The following STS variants were observed in gnomAD, a reference collection of about 807,000 sequenced individuals.
STS encodes the protein steryl-sulfatase.
Under a neutral mutation model 26.8 loss-of-function variants are expected in STS, and 7 were observed. The observed-to-expected ratio is 0.26, with a 90% CI of 0.15 to 0.49. The LOEUF (loss-of-function observed/expected upper bound fraction) is 0.49. Ranked by LOEUF, STS falls within the 20% of genes least tolerant of loss-of-function variation. The probability of loss-of-function intolerance (pLI) is 0.98; values close to 1 mark genes in which losing one functional copy is unlikely to be tolerated. For missense variants in STS, 434 were observed against 465.6 expected, an observed-to-expected ratio of 0.93 and a Z score of 0.63; for synonymous variants, 199 against 189.4, an observed-to-expected ratio of 1.05 and a Z score of -0.42.
At chrX:7,258,915 A>C (rs1923580214) in intron 5 of STS, among the ~76,000 whole-genome samples, 1 of 110,679 alleles carries the variant, frequency 9.0e-6, no homozygotes, top group Admixed American at 9.6e-5. Flanking sequence ...AAGAAAAAAA[A>C]AAAAACAAAC....
At position 7,353,262 on chromosome X, in the gene STS, T is replaced by G. The variant is rs1265839380; in HGVS notation, c.*3001T>G. ...AGACATAAAATAGCTCCGACCTCCATGATCCGAGAGTGGGAAAAGGCCCGA... is the reference window on the plus strand; with the variant it reads ...AGACATAAAATAGCTCCGACCTCCAGGATCCGAGAGTGGGAAAAGGCCCGA... On this transcript the variant is annotated 3_prime_UTR_variant, in exon 11 of 11. Coordinates refer to ENST00000674429, the MANE Select transcript of STS (RefSeq NM_001320752.2). 9.1e-6 allele frequency: 1 copy of G among 110,400 alleles called. No individual in the cohort carries two copies. The highest frequency in any genetic ancestry group is 1.9e-5 in the Non-Finnish European group (1 of 52,953). 9.1% of individuals were successfully genotyped at this position (110,400 alleles called of 1,213,427 possible). A position where few individuals can be genotyped will look rare whatever the true frequency, so the allele number is the denominator to read the frequency against.
At position 7,319,986 on chromosome X, in the gene STS, ATT is replaced by A. The variant is rs1323397677; in HGVS notation, c.1082-5351_1082-5350del. Reference sequence around the variant, plus strand: ...ATATATTTTATATATATGTATATATATTTATATATATATTTTTATATATATAT... The same window carrying A: ...ATATATTTTATATATATGTATATATATATATATATATTTTTATATATATAT... On this transcript the variant is annotated intron_variant, in intron 8 of 10. Transcript: ENST00000674429. Among the ~76,000 whole-genome samples, 432 of 90,271 alleles carry A rather than the reference ATT, an allele frequency of 4.8e-3. 6 individuals carry two copies. The highest frequency in any genetic ancestry group is 0.019 in the African/African-American group (429 of 22,188). The allele number at this position is 90,271 out of a possible 115,157, so 78.4% of individuals were successfully genotyped here. A position where few individuals can be genotyped will look rare whatever the true frequency, so the allele number is the denominator to read the frequency against.
chrX:7,232,271 A>G (rs972282978), intron 2 of STS, among the ~76,000 whole-genome samples: 3 of 112,505 alleles, frequency 2.7e-5, no homozygotes, highest in East Asian at 2.8e-4. Flanking sequence ...CTGCAGGTGC[A>G]TGAGTGAGGA....
At chrX:7,219,568 T>C (rs1921457971) in intron 2 of STS, 1 of 1,208,157 alleles carries the variant, frequency 8.3e-7, no homozygotes. Context: ...GGGAATATGC[T>C]TATTAAACTC....
At chrX:7,164,844 C>CA (rs71729693) in intron 1 of STS, among the ~76,000 whole-genome samples, 50 of 96,386 alleles carry the variant, frequency 5.2e-4, no homozygotes, top group Non-Finnish European at 7.7e-4. Context: ...CCCATCTTTA[C>CA]AAAAAAAAAA....
chrX:7,276,868 G>A (rs1924564045), intron 7 of STS, among the ~76,000 whole-genome samples: 1 of 112,267 alleles, frequency 8.9e-6, no homozygotes, highest in African/African-American at 3.2e-5. Flanking sequence ...ACATTGGGAA[G>A]ACTTCCTTAC....
chrX:7,160,918 T>C (rs1308931435), intron 1 of STS, among the ~76,000 whole-genome samples: 1 of 111,753 alleles, frequency 8.9e-6, no homozygotes, highest in African/African-American at 3.2e-5. Context: ...ATCTCTCAGT[T>C]TATCCTCAGG....
chrX:7,327,762 T>A (rs1927549862), intron 9 of STS, among the ~76,000 whole-genome samples: 1 of 111,468 alleles, frequency 9.0e-6, no homozygotes, highest in Non-Finnish European at 1.9e-5. Context: ...GAAAATAAGT[T>A]CAATAATAAC....
At chrX:7,163,621 A>G (rs1161539693) in intron 1 of STS, among the ~76,000 whole-genome samples, 3 of 112,100 alleles carry the variant, frequency 2.7e-5, no homozygotes, top group African/African-American at 9.7e-5. Flanking sequence ...GGACTTTACC[A>G]CTTCTTTTCA....
intron 2 of STS, among the ~76,000 whole-genome samples, chrX:7,242,074 A>G (rs1374535447): frequency 9.0e-6 from 1 of 111,055 alleles, no homozygotes; most frequent in Non-Finnish European, 1.9e-5. Flanking sequence ...TTACAACCCA[A>G]TCACAGAATT....
chrX:7,150,663 A>G (rs1932994276), intron 1 of STS, among the ~76,000 whole-genome samples: 1 of 111,417 alleles, frequency 9.0e-6, no homozygotes, highest in African/African-American at 3.3e-5. Context: ...GCTTCACATT[A>G]TGTTTTTATC....
chrX:7,268,109 G>A (rs1453878275), intron 6 of STS, among the ~76,000 whole-genome samples: 1 of 110,680 alleles, frequency 9.0e-6, no homozygotes, highest in Non-Finnish European at 1.9e-5. Flanking sequence ...CAAGGGGTGG[G>A]GGGGAAACAC....
At chrX:7,204,477 C>T (rs1053735537) in intron 2 of STS, among the ~76,000 whole-genome samples, 2 of 105,549 alleles carry the variant, frequency 1.9e-5, no homozygotes, top group Non-Finnish European at 3.9e-5. Context: ...CCCTTCTTTC[C>T]TTCCTCCCTC....
At chrX:7,179,099 G>A (rs1044718035) in intron 1 of STS, among the ~76,000 whole-genome samples, 4 of 106,963 alleles carry the variant, frequency 3.7e-5, no homozygotes, top group Non-Finnish European at 7.7e-5. Context: ...CATGAAAGTG[G>A]TGACTTACTT....
chrX:7,196,086 A>G (rs1273280689), intron 2 of STS, among the ~76,000 whole-genome samples: 2 of 74,595 alleles, frequency 2.7e-5, no homozygotes, highest in East Asian at 4.2e-4. Flanking sequence ...CAAAAGGCAG[A>G]TAAACAAGAG....
At position 7,354,370 on chromosome X, in the gene STS, C is replaced by G. The variant is rs1396798684; in HGVS notation, c.*4109C>G. The G allele has an allele frequency of 2.7e-5, 3 of 111,809 alleles. No homozygotes were observed. The highest frequency in any genetic ancestry group is 9.8e-5 in the African/African-American group (3 of 30,722). The allele number at this position is 111,809 out of a possible 1,213,427, so 9.2% of individuals were successfully genotyped here. A position where few individuals can be genotyped will look rare whatever the true frequency, so the allele number is the denominator to read the frequency against. ...AGTCCCCATTGCTGTGGTCCCCGTA[C>G]CTGTCATGATGGTCCTAAATAAAGT... On this transcript the variant is annotated 3_prime_UTR_variant, in exon 11 of 11. Transcript: ENST00000674429.
chrX:7,302,929 T>C (rs183197692), intron 7 of STS, among the ~76,000 whole-genome samples: 8 of 111,701 alleles, frequency 7.2e-5, no homozygotes, highest in Non-Finnish European at 1.9e-5. Context: ...CCACCCAAAA[T>C]TTGATTCCCA....
intron 9 of STS, among the ~76,000 whole-genome samples, chrX:7,328,386 A>G (rs978416066): frequency 2.7e-5 from 3 of 111,181 alleles, no homozygotes; most frequent in Non-Finnish European, 3.8e-5. Context: ...GATGGAGGCC[A>G]ATCTGTGTTT....
intron 2 of STS, among the ~76,000 whole-genome samples, chrX:7,205,602 T>C (rs1266231914): frequency 9.2e-6 from 1 of 108,679 alleles, no homozygotes; most frequent in East Asian, 2.9e-4. Context: ...CTTTTTCTTT[T>C]TCTTTTCTTT....
Sources: gnomAD v4.1 joint callset for allele counts (sites outside exome capture counted in the v4.1 genomes callset) on GRCh38, gnomAD v4.1.1 for gene constraint, MANE v1.5 for transcripts, NCBI Gene and HGNC (gene_info 2026-07-23, HGNC 2026-07-21) for gene names.